FOXP1: variants seen among roughly 807,000 people sequenced by gnomAD.
The protein encoded by FOXP1 is forkhead box P1.
In FOXP1, 15 loss-of-function variants were observed where a neutral mutation model predicts 98.2. That is an observed-to-expected ratio of 0.15 (90% CI 0.10 to 0.24). FOXP1 has a LOEUF of 0.24. Among genes scored for constraint, FOXP1 ranks in the 10% least tolerant of loss-of-function variants. The pLI is 1.00. For missense variants in FOXP1, 633 were observed against 848.5 expected, an observed-to-expected ratio of 0.75 and a Z score of 3.15; for synonymous variants, 371 against 314.5, an observed-to-expected ratio of 1.18 and a Z score of -1.90.
chr3:71,026,000 T>C (rs1446781449), intron 11 of FOXP1, among the ~76,000 whole-genome samples: 1 of 152,214 alleles, frequency 6.6e-6, no homozygotes, highest in African/African-American at 2.4e-5. Context: ...TTCCATGCAC[T>C]TGGCACAGTA....
intron 3 of FOXP1, among the ~76,000 whole-genome samples, chr3:71,418,507 C>A (rs115019977): frequency 1.3e-5 from 2 of 152,154 alleles, no homozygotes; most frequent in African/African-American, 4.8e-5. Flanking sequence ...AAATTTGTTT[C>A]CTATAATAAT....
intron 4 of FOXP1, among the ~76,000 whole-genome samples, chr3:71,308,316 G>C (rs150045393): frequency 1.3e-5 from 2 of 152,062 alleles, no homozygotes; most frequent in Admixed American, 6.6e-5. Flanking sequence ...ACTTCATCTC[G>C]GCGGAACAGA....
intron 7 of FOXP1, among the ~76,000 whole-genome samples, chr3:71,087,236 T>C (rs2055217498): frequency 6.6e-6 from 1 of 152,002 alleles, no homozygotes; most frequent in South Asian, 2.1e-4. Flanking sequence ...AGGAAAAGGG[T>C]TGCAGGTTAG....
intron 3 of FOXP1, among the ~76,000 whole-genome samples, chr3:71,371,058 C>T (rs1369686766): frequency 6.6e-6 from 1 of 152,084 alleles, no homozygotes; most frequent in Non-Finnish European, 1.5e-5. Context: ...GCCAGGATTA[C>T]AGGCGTGAAC....
chr3:71,323,646 C>T (rs1733504), intron 4 of FOXP1, among the ~76,000 whole-genome samples: 12,919 of 152,162 alleles, frequency 0.085, 595 homozygotes, highest in South Asian at 0.13. Flanking sequence ...AAAAAGGCCC[C>T]GCAGGCTGGA....
At chr3:71,116,805 C>A (rs1177984013) in intron 6 of FOXP1, among the ~76,000 whole-genome samples, 1 of 152,168 alleles carries the variant, frequency 6.6e-6, no homozygotes, top group East Asian at 1.9e-4. Context: ...CAAGGAGAGG[C>A]AATAAATCCT....
intron 2 of FOXP1, among the ~76,000 whole-genome samples, chr3:71,521,669 T>C (rs1352610841): frequency 6.6e-6 from 1 of 152,236 alleles, no homozygotes; most frequent in Non-Finnish European, 1.5e-5. Context: ...ACAGACTTTA[T>C]TTTTATTCTA....
intron 4 of FOXP1, among the ~76,000 whole-genome samples, chr3:71,319,396 C>T (rs937193999): frequency 6.6e-6 from 1 of 152,086 alleles, no homozygotes; most frequent in Non-Finnish European, 1.5e-5. Context: ...CCCAAAGCCT[C>T]TAAGTTGCTA....
At chr3:70,987,467 G>C (rs1432790587) in intron 14 of FOXP1, among the ~76,000 whole-genome samples, 1 of 152,172 alleles carries the variant, frequency 6.6e-6, no homozygotes, top group African/African-American at 2.4e-5. Context: ...AAACTCCTTA[G>C]TAACCATTAG....
intron 2 of FOXP1, among the ~76,000 whole-genome samples, chr3:71,536,152 G>A (rs184174990): frequency 6.6e-6 from 1 of 152,154 alleles, no homozygotes; most frequent in East Asian, 1.9e-4. Context: ...AAGGATTCCA[G>A]TTTTCAATTT....
At chr3:71,272,335 G>A (rs1338519168) in intron 5 of FOXP1, among the ~76,000 whole-genome samples, 2 of 152,172 alleles carry the variant, frequency 1.3e-5, no homozygotes, top group Non-Finnish European at 2.9e-5. Context: ...TCGGCATCCC[G>A]GGTGGGTCAA....
Position 71,258,976 on chromosome 3 carries a change from T to C in FOXP1, c.-12+40844A>G, listed in dbSNP as rs546995404. On this transcript the variant is annotated intron_variant, in intron 5 of 20. Transcript: ENST00000649528. ...CTGGCTAATACAGTGAAACCCCTTC[T>C]CTACTAAAAATACAAAAAATTAGCT... Among the ~76,000 whole-genome samples the C allele has an allele frequency of 4.6e-5, 7 of 152,158 alleles. No individual in the cohort carries two copies. The South Asian group carries it at 1.5e-3, about 32-fold the overall frequency.
chr3:70,977,478 C>T (rs1395440323), intron 16 of FOXP1, among the ~76,000 whole-genome samples, 165 bp downstream of exon 16: 2 of 152,118 alleles, frequency 1.3e-5, no homozygotes, highest in Non-Finnish European at 2.9e-5. Context: ...TATTGTAATA[C>T]TTAATCAAAA....
intron 2 of FOXP1, among the ~76,000 whole-genome samples, chr3:71,560,195 C>A (rs1204688912): frequency 6.6e-6 from 1 of 152,170 alleles, no homozygotes; most frequent in Admixed American, 6.5e-5. Flanking sequence ...AATAACGGTG[C>A]TCCATAATGT....
At position 70,959,178 on chromosome 3, in the gene FOXP1, A is replaced by G; in HGVS notation, c.*69T>C. The G allele has an allele frequency of 1.3e-6, 2 of 1,557,104 alleles. No homozygotes were observed. Among genetic ancestry groups the G allele is most frequent in the Non-Finnish European group, 1.8e-6 (2 of 1,132,578 alleles). The stretch of plus-strand genomic sequence containing the variant: ...ACAAATGGAGAACAATTTCACTGCT[A>G]ACTTTTGACGTGTTTTTTTTTTTTT... On this transcript the variant is annotated 3_prime_UTR_variant, in exon 21 of 21. Coordinates refer to ENST00000649528, the MANE Select transcript of FOXP1 (RefSeq NM_001349338.3).
intron 2 of FOXP1, among the ~76,000 whole-genome samples, chr3:71,520,594 A>T (rs765409531): frequency 5.3e-5 from 8 of 152,226 alleles, no homozygotes; most frequent in Non-Finnish European, 7.3e-5. Context: ...GTTGCCCTAA[A>T]AATGTCAGCG....
intron 7 of FOXP1, among the ~76,000 whole-genome samples, chr3:71,068,109 T>C (rs2052777668): frequency 6.6e-6 from 1 of 151,852 alleles, no homozygotes; most frequent in Non-Finnish European, 1.5e-5. Context: ...ACTTTAAAAA[T>C]ATTTTTGATG....
chr3:71,055,543 T>C (rs1384996776), intron 7 of FOXP1, among the ~76,000 whole-genome samples: 2 of 152,196 alleles, frequency 1.3e-5, no homozygotes, highest in Non-Finnish European at 2.9e-5. Context: ...TAGCACGAAA[T>C]ATCACCAACG....
At chr3:71,065,066 TCCGCGGCCCGCGCCCCGCGCCCGCGCG>T (rs1489807684) in intron 7 of FOXP1, 3 of 139,918 alleles carry the variant, frequency 2.1e-5, no homozygotes, top group African/African-American at 7.9e-5. Flanking sequence ...CACAATGGGC[TCCGCGGCCCGCGCCCCGCGCCCGCGCG>T]CCCCGGCCCC....
Sources: allele counts gnomAD v4.1 joint callset (sites outside exome capture counted in the v4.1 genomes callset), GRCh38; gene constraint gnomAD v4.1.1; transcripts MANE v1.5; gene names NCBI Gene and HGNC (gene_info 2026-07-23, HGNC 2026-07-21).